The following ZNF117 variants were observed in gnomAD, a reference collection of about 807,000 sequenced individuals.
ZNF117 encodes zinc finger protein 117.
In ZNF117, 37 loss-of-function variants were observed where a neutral mutation model predicts 41.2. The ratio of observed to expected loss-of-function variants is 0.90; its 90% CI spans 0.69 to 1.18. ZNF117 has a LOEUF of 1.18. Among genes scored for constraint, ZNF117 ranks in the 50% most tolerant of loss-of-function variants. ZNF117 has a pLI of 0.00. For synonymous variants in ZNF117, 186 were observed against 186.6 expected (o/e 1.00, Z 0.02); for missense variants, 546 against 557.5 (o/e 0.98, Z 0.21).
chr7:64,981,471 A>G (rs1384614133), exon 2 of ZNF117: 17 of 1,591,746 alleles, frequency 1.1e-5, no homozygotes, highest in Non-Finnish European at 1.5e-5. Flanking sequence ...TCTGGCTTAG[A>G]GACAGCAATA....
downstream of ZNF117, chr7:64,972,228 T>C (rs889800143): frequency 1.3e-5 from 2 of 152,034 alleles, no homozygotes; most frequent in African/African-American, 4.8e-5. Context: ...TGAATGTGAA[T>C]GAGGAGAGTC....
At chr7:64,984,934 G>A (rs990669606), upstream of ZNF117, among the ~76,000 whole-genome samples, 1 of 152,104 alleles carries the variant, frequency 6.6e-6, no homozygotes, top group Non-Finnish European at 1.5e-5. Flanking sequence ...GGGATTACAG[G>A]CACGCGCCAC....
chr7:64,981,439 T>C, exon 2 of ZNF117: 1 of 1,612,940 alleles, frequency 6.2e-7, no homozygotes, highest in Non-Finnish European at 8.5e-7. Context: ...GCTCTTTTCC[T>C]TGCTCCAGAC....
chr7:64,979,375 A>C (rs1263402454), exon 3 of ZNF117: 1 of 1,606,628 alleles, frequency 6.2e-7, no homozygotes, highest in Non-Finnish European at 8.5e-7. Context: ...AGTCCACTAT[A>C]ATCTCCTTTG....
intron 1 of ZNF117, among the ~76,000 whole-genome samples, chr7:64,988,212 T>C (rs1289562975): frequency 2.0e-5 from 3 of 152,162 alleles, no homozygotes; most frequent in Non-Finnish European, 4.4e-5. Context: ...TTCAACAAAA[T>C]ATTGGCAAAT....
downstream of ZNF117, chr7:64,972,863 A>G (rs554842619): frequency 2.6e-5 from 4 of 152,204 alleles, no homozygotes; most frequent in Non-Finnish European, 5.9e-5. Flanking sequence ...ATTTGACAAC[A>G]TATACTTCCA....
intron 1 of ZNF117, among the ~76,000 whole-genome samples, chr7:64,989,469 ATATATATATATATATATATATATATATAT>A (rs1786209859): frequency 9.4e-6 from 1 of 106,602 alleles, no homozygotes; most frequent in Non-Finnish European, 1.9e-5. Flanking sequence ...ATATATATAT[ATATATATATATATATATATATATATATAT>A]AAAACCTGAA....
chr7:64,972,463 T>TA (rs1785798998), downstream of ZNF117: 1 of 152,046 alleles, frequency 6.6e-6, no homozygotes, highest in Non-Finnish European at 1.5e-5. Flanking sequence ...TCTTCGTCTT[T>TA]AAAAAAGAAA....
intron 2 of ZNF117, 69 bp downstream of exon 3, chr7:64,981,318 T>C: frequency 6.3e-7 from 1 of 1,580,572 alleles, no homozygotes; most frequent in Admixed American, 1.7e-5. Context: ...AAATCACATT[T>C]TAAGCTGTGG....
At chr7:64,975,653 AT>A (rs1197665911) in exon 3 of ZNF117, 25 of 152,074 alleles carry the variant, frequency 1.6e-4, no homozygotes, top group Admixed American at 1.6e-3. Context: ...AAATTTTGTA[AT>A]TTTTTCAAAG....
intron 1 of ZNF117, 84 bp downstream of exon 2, chr7:64,981,900 G>T: frequency 2.3e-6 from 1 of 428,068 alleles, no homozygotes; most frequent in South Asian, 4.3e-5. Context: ...CTCAATTTAT[G>T]CAAAGCATAA....
exon 3 of ZNF117, chr7:64,978,759 T>C: frequency 6.2e-7 from 1 of 1,613,366 alleles, no homozygotes; most frequent in Non-Finnish European, 8.5e-7. Context: ...CTCTCCAGTA[T>C]GAATGTACTT....
At chr7:64,979,747 G>C (rs1246330457) in intron 2 of ZNF117, among the ~76,000 whole-genome samples, 1 of 152,032 alleles carries the variant, frequency 6.6e-6, no homozygotes, top group Non-Finnish European at 1.5e-5. Context: ...TTACGTGTGT[G>C]CAGTGTTCCA....
exon 3 of ZNF117, chr7:64,977,421 T>A: frequency 2.3e-6 from 1 of 436,462 alleles, no homozygotes; most frequent in Non-Finnish European, 4.5e-6. Context: ...TGTATGAATT[T>A]TCTTATGTGT....
chr7:64,981,545 TG>T, intron 1 of ZNF117, 63 bp from the exon 3 acceptor site: 8 of 1,358,964 alleles, frequency 5.9e-6, no homozygotes, highest in Non-Finnish European at 7.3e-6. Context: ...AACTTGGTAA[TG>T]TGCTCAGTAA....
downstream of ZNF117, chr7:64,971,897 A>G (rs1475265029): frequency 1.3e-5 from 2 of 152,128 alleles, no homozygotes; most frequent in African/African-American, 4.8e-5. Flanking sequence ...CAACAAAATG[A>G]GACAACTGAA....
intron 1 of ZNF117, among the ~76,000 whole-genome samples, chr7:64,988,803 T>C (rs1171589400): frequency 6.6e-6 from 1 of 151,960 alleles, no homozygotes; most frequent in Non-Finnish European, 1.5e-5. Flanking sequence ...ATTAATAACA[T>C]CCAAGCCGAA....
chr7:64,977,933 T>C lies in ZNF117; in HGVS notation c.*186A>G, dbSNP rs1013383230. On this transcript the variant is annotated 3_prime_UTR_variant, in exon 3 of 3. Coordinates refer to ENST00000620222, the Ensembl canonical transcript of ZNF117. Reference sequence around the variant, plus strand: ...TCTCTCCAGTATGAATTCTTTTATGTGTAGAAAGGGTTGAAGATTGGTTAA... The same window carrying C: ...TCTCTCCAGTATGAATTCTTTTATGCGTAGAAAGGGTTGAAGATTGGTTAA... The C allele has an allele frequency of 6.3e-5, 78 of 1,234,908 alleles. No homozygotes were observed. In the South Asian group the frequency reaches 9.5e-4, roughly 15 times the overall value. 76.5% of individuals were successfully genotyped at this position (1,234,908 alleles called of 1,614,324 possible).
At chr7:64,982,402 T>C (rs1446452629), upstream of ZNF117, among the ~76,000 whole-genome samples, 2 of 152,218 alleles carry the variant, frequency 1.3e-5, no homozygotes, top group Non-Finnish European at 2.9e-5. Context: ...CGCCAACATG[T>C]CTATTTTTAA....
Sources: allele counts gnomAD v4.1 joint callset (sites outside exome capture counted in the v4.1 genomes callset), GRCh38; gene constraint gnomAD v4.1.1; transcripts MANE v1.5; gene names NCBI Gene and HGNC (gene_info 2026-07-23, HGNC 2026-07-21).